The following MTR variants were observed in gnomAD, a reference collection of about 807,000 sequenced individuals.
The protein encoded by MTR is methionine synthase.
Under a neutral mutation model 154.8 loss-of-function variants are expected in MTR, and 84 were observed. The ratio of observed to expected loss-of-function variants is 0.54; its 90% CI spans 0.45 to 0.65. The LOEUF is 0.65. Ranked by LOEUF, MTR falls within the 30% of genes least tolerant of loss-of-function variation. The probability of loss-of-function intolerance (pLI) is 0.00; values close to 1 mark genes in which losing one functional copy is unlikely to be tolerated. For synonymous variants in MTR, 554 were observed against 553.9 expected (o/e 1.00, Z 0.00); for missense variants, 1,275 against 1,570.2 (o/e 0.81, Z 3.18).
At chr1:236,841,605 C>G (rs979627241) in intron 15 of MTR, among the ~76,000 whole-genome samples, 12 of 151,120 alleles carry the variant, frequency 7.9e-5, no homozygotes, top group African/African-American at 2.7e-4. Context: ...TTGCCTTTCT[C>G]TTAGGTTTTT....
intron 4 of MTR, among the ~76,000 whole-genome samples, chr1:236,809,037 C>G (rs567433529): frequency 1.3e-5 from 2 of 152,238 alleles, no homozygotes; most frequent in African/African-American, 4.8e-5. Flanking sequence ...GTAGCTAGGC[C>G]CCTGACTTCC....
rs974925329 is a variant in MTR at position 236,859,750 on chromosome 1, TTTTG to T, written c.1954-67_1954-64del. ...TAAAAGAAGAATAAGACACAGGTTT[TTTTG>T]TTTGTTTGTTTGTTTTGCCATCAAA... On this transcript the variant is annotated intron_variant, in intron 18 of 32. Coordinates refer to ENST00000366577, the MANE Select transcript of MTR (RefSeq NM_000254.3). 4.5e-4 allele frequency: 491 copies of T among 1,087,726 alleles called. 1 individual carries two copies. The highest frequency in any genetic ancestry group is 8.0e-4 in the Middle Eastern group (4 of 5,026). 67.4% of individuals were successfully genotyped at this position (1,087,726 alleles called of 1,614,324 possible).
At chr1:236,801,851 G>A (rs1198037714) in intron 1 of MTR, among the ~76,000 whole-genome samples, 3 of 152,234 alleles carry the variant, frequency 2.0e-5, no homozygotes, top group South Asian at 4.1e-4. Flanking sequence ...TAAAATTGTT[G>A]TATAGGAAGA....
intron 18 of MTR, among the ~76,000 whole-genome samples, chr1:236,855,109 G>A (rs886305418): frequency 6.6e-6 from 1 of 152,156 alleles, no homozygotes; most frequent in Non-Finnish European, 1.5e-5. Flanking sequence ...CTTAGGATGC[G>A]CTGAGTGAAA....
chr1:236,795,326 T>C lies in MTR; in HGVS notation c.-378T>C, dbSNP rs778385738. 1.6e-5 allele frequency: 20 copies of C among 1,280,994 alleles called. No homozygotes were observed. The highest frequency in any genetic ancestry group is 1.8e-5 in the Non-Finnish European group (18 of 988,982). The allele number at this position is 1,280,994 out of a possible 1,614,324, so 79.4% of individuals were successfully genotyped here. A position where few individuals can be genotyped will look rare whatever the true frequency, so the allele number is the denominator to read the frequency against. ...CGCGCTCTGAAAGGTTCTAAATGTC[T>C]GCGGGGCTCAGAGCCGGATGTCACG... is the stretch of plus-strand genomic sequence containing the variant. On this transcript the variant is annotated 5_prime_UTR_variant, in exon 1 of 33. Transcript: ENST00000366577.
At chr1:236,796,514 CTATCACA>C (rs1229483083) in intron 1 of MTR, among the ~76,000 whole-genome samples, 2 of 152,126 alleles carry the variant, frequency 1.3e-5, no homozygotes, top group Admixed American at 1.3e-4. Flanking sequence ...AGTAAATATC[CTATCACA>C]TAGTGGGGAT....
intron 24 of MTR, among the ~76,000 whole-genome samples, chr1:236,880,427 G>C (rs1204062020): frequency 6.6e-6 from 1 of 152,190 alleles, no homozygotes; most frequent in Non-Finnish European, 1.5e-5. Context: ...ACAGCAGTGT[G>C]ATTTCCTGGG....
intron 24 of MTR, among the ~76,000 whole-genome samples, chr1:236,879,142 A>G (rs535212910): frequency 3.9e-5 from 6 of 152,330 alleles, no homozygotes; most frequent in Middle Eastern, 3.4e-3. Flanking sequence ...AATTACCTCA[A>G]TGATCCACAT....
In MTR at chr1:236,901,369, T is replaced by G. The variant is rs1255400751; in HGVS notation, c.*3725T>G. 6.6e-6 allele frequency: 1 copy of G among 152,284 alleles called. No homozygotes were observed. The highest frequency in any genetic ancestry group is 2.4e-5 in the African/African-American group (1 of 41,496). The allele number at this position is 152,284 out of a possible 1,614,324, so 9.4% of individuals were successfully genotyped here. A position where few individuals can be genotyped will look rare whatever the true frequency, so the allele number is the denominator to read the frequency against. On this transcript the variant is annotated 3_prime_UTR_variant, in exon 33 of 33. Coordinates refer to ENST00000366577, the MANE Select transcript of MTR (RefSeq NM_000254.3). ...AGGGAAAGGTAGGATTGAGAGTGTT[T>G]CAGACAGAAAAAGGATTATATGCTG...
At chr1:236,855,294 C>G (rs1664141865) in intron 18 of MTR, among the ~76,000 whole-genome samples, 1 of 152,164 alleles carries the variant, frequency 6.6e-6, no homozygotes, top group Non-Finnish European at 1.5e-5. Flanking sequence ...TTCCAAGGCT[C>G]TCTAATCTCA....
intron 26 of MTR, among the ~76,000 whole-genome samples, chr1:236,886,012 G>A (rs898136119): frequency 6.6e-6 from 1 of 152,082 alleles, no homozygotes; most frequent in Non-Finnish European, 1.5e-5. Context: ...AAAAGTACAG[G>A]TCAGACACCC....
chr1:236,829,104 A>T, intron 11 of MTR, 85 bp from the exon 12 acceptor site: 1 of 1,035,526 alleles, frequency 9.7e-7, no homozygotes. Context: ...ACTTAATTTT[A>T]TAGTTAAAAT....
rs1283532229 is a variant in MTR, at chr1:236,840,468, G to A, written c.1515+1869G>A. On this transcript the variant is annotated intron_variant, in intron 15 of 32. Coordinates refer to ENST00000366577, the MANE Select transcript of MTR (RefSeq NM_000254.3). ...CAGGGCCTGTGCTAAATGGTCGAGT[G>A]AAGAGGCTGTCAGGGAAGAGTTGGC... 4.6e-5 allele frequency among the ~76,000 whole-genome samples: 7 copies of A among 152,218 alleles called. No individual in the cohort carries two copies. In the East Asian group the frequency reaches 1.2e-3, roughly 25 times the overall value.
intron 1 of MTR, among the ~76,000 whole-genome samples, chr1:236,797,603 T>G (rs1660466253): frequency 6.6e-6 from 1 of 152,130 alleles, no homozygotes; most frequent in African/African-American, 2.4e-5. Context: ...CTTCTCCGGC[T>G]TATTAAAATC....
chr1:236,876,731 G>GCAA (rs1399779937), intron 24 of MTR, among the ~76,000 whole-genome samples: 10 of 151,690 alleles, frequency 6.6e-5, no homozygotes, highest in African/African-American at 1.7e-4. Flanking sequence ...ACATTGAGAA[G>GCAA]CAACGTGACT....
intron 11 of MTR, among the ~76,000 whole-genome samples, chr1:236,828,506 G>C (rs1479269897): frequency 6.6e-6 from 1 of 152,162 alleles, no homozygotes; most frequent in African/African-American, 2.4e-5. Flanking sequence ...GGGGACAGTA[G>C]AGTAGAGCAA....
intron 8 of MTR, chr1:236,820,168 GC>G: frequency 2.6e-6 from 2 of 763,518 alleles, no homozygotes; most frequent in Non-Finnish European, 2.4e-6. Flanking sequence ...GTGGATGCTG[GC>G]CTGAGAAGTT....
chr1:236,889,149 T>C, intron 27 of MTR, 32 bp from the exon 28 acceptor site: 2 of 1,613,772 alleles, frequency 1.2e-6, no homozygotes, highest in Middle Eastern at 1.7e-4. Context: ...GGTGCCAGCG[T>C]CAGCATTGAC....
intron 17 of MTR, 131 bp from the exon 18 acceptor site, chr1:236,852,817 A>G (rs1663985844): frequency 1.2e-5 from 14 of 1,190,848 alleles, no homozygotes; most frequent in East Asian, 2.4e-5. Flanking sequence ...TGCTGTAACT[A>G]CAAAGTTGAG....
Sources: allele counts gnomAD v4.1 joint callset (sites outside exome capture counted in the v4.1 genomes callset), GRCh38; gene constraint gnomAD v4.1.1; transcripts MANE v1.5; gene names NCBI Gene and HGNC (gene_info 2026-07-23, HGNC 2026-07-21).